The following ATXN1 variants were observed in gnomAD, a reference collection of about 807,000 sequenced individuals.
ATXN1 encodes ataxin 1, also known as ataxin-1.
A neutral mutation model predicts 56.4 loss-of-function variants in ATXN1; 8 were observed. That is an observed-to-expected ratio of 0.14 (90% CI 0.08 to 0.26). ATXN1 has a LOEUF of 0.26. Among genes scored for constraint, ATXN1 ranks in the 10% least tolerant of loss-of-function variants. ATXN1 has a pLI of 1.00. For synonymous variants in ATXN1, 514 were observed against 494.6 expected, an observed-to-expected ratio of 1.04 and a Z score of -0.52; for missense variants, 987 against 1,106.5, an observed-to-expected ratio of 0.89 and a Z score of 1.53.
intron 6 of ATXN1, among the ~76,000 whole-genome samples, chr6:16,337,555 TG>T (rs2113433307): frequency 6.6e-6 from 1 of 152,398 alleles, no homozygotes; most frequent in South Asian, 2.1e-4. Flanking sequence ...TGGTCCCAAA[TG>T]AATTGTCTGA....
At chr6:16,703,400 C>A (rs1317489732) in intron 2 of ATXN1, among the ~76,000 whole-genome samples, 2 of 152,142 alleles carry the variant, frequency 1.3e-5, no homozygotes, top group Non-Finnish European at 2.9e-5. Context: ...TTAATGGGTG[C>A]AGTACAACAA....
At chr6:16,747,183 G>C (rs967618927) in intron 2 of ATXN1, among the ~76,000 whole-genome samples, 2 of 152,092 alleles carry the variant, frequency 1.3e-5, no homozygotes, top group Admixed American at 6.5e-5. Flanking sequence ...AAGAAGCCTG[G>C]TTTTGATTTC....
intron 5 of ATXN1, among the ~76,000 whole-genome samples, chr6:16,517,977 C>T (rs144144440): frequency 0.012 from 1,845 of 152,288 alleles, 29 homozygotes; most frequent in South Asian, 0.046. Flanking sequence ...GATCAAATGC[C>T]TCCTATGTGC....
intron 4 of ATXN1, among the ~76,000 whole-genome samples, chr6:16,535,700 G>A (rs563476394): frequency 3.9e-5 from 6 of 152,368 alleles, no homozygotes; most frequent in Admixed American, 2.0e-4. Flanking sequence ...GCTGTGCACA[G>A]TGACTTCCTT....
rs574859194 is a variant in ATXN1 at position 16,312,833 on chromosome 6, T to G, written c.1918-5974A>C. On this transcript the variant is annotated intron_variant, in intron 7 of 7. Coordinates refer to ENST00000436367, the MANE Select transcript of ATXN1 (RefSeq NM_001128164.2). ...CGTCTCCCCCCATACCCCCCTCCCA[T>G]AAAAACCCTCCAACCAGCCTAAAAA... 2.6e-5 allele frequency among the ~76,000 whole-genome samples: 4 copies of G among 152,154 alleles called. No individual in the cohort carries two copies. The South Asian group carries it at 8.3e-4, about 32-fold the overall frequency.
chr6:16,673,451 G>A (rs943230703), intron 2 of ATXN1, among the ~76,000 whole-genome samples: 3 of 151,892 alleles, frequency 2.0e-5, no homozygotes, highest in African/African-American at 7.3e-5. Context: ...TCCCACTCAC[G>A]CCTGCAGCTT....
intron 6 of ATXN1, among the ~76,000 whole-genome samples, chr6:16,432,412 T>C (rs11969151): frequency 0.051 from 7,780 of 152,318 alleles, 635 homozygotes; most frequent in African/African-American, 0.17. Context: ...AGAACCTCTA[T>C]ACTAAATGTC....
chr6:16,535,491 C>T lies in ATXN1; in HGVS notation c.-360-12803G>A, dbSNP rs912432206. 1.2e-4 allele frequency among the ~76,000 whole-genome samples: 19 copies of T among 152,152 alleles called. 1 individual carries two copies. In the East Asian group the frequency reaches 3.3e-3, roughly 26 times the overall value. On this transcript the variant is annotated intron_variant, in intron 4 of 7. Coordinates refer to ENST00000436367, the MANE Select transcript of ATXN1 (RefSeq NM_001128164.2). Reference sequence around the variant, plus strand: ...CTGCCAATGGCCAGAACTAAAACAACCAGAGCAACAAAATAAACAACATAG... The same window carrying T: ...CTGCCAATGGCCAGAACTAAAACAATCAGAGCAACAAAATAAACAACATAG...
intron 6 of ATXN1, among the ~76,000 whole-genome samples, chr6:16,454,372 G>GT (rs1759824294): frequency 6.6e-6 from 1 of 152,086 alleles, no homozygotes; most frequent in South Asian, 2.1e-4. Context: ...GGAACTACTT[G>GT]TATAGAAAAT....
chr6:16,344,209 C>T lies in ATXN1; in HGVS notation c.-160-15739G>A, dbSNP rs570094447. Among the ~76,000 whole-genome samples the T allele has an allele frequency of 5.9e-5, 9 of 152,320 alleles. 1 individual carries two copies. In the South Asian group the frequency reaches 1.9e-3, roughly 32 times the overall value. On this transcript the variant is annotated intron_variant, in intron 6 of 7. Transcript: ENST00000436367. The stretch of plus-strand genomic sequence containing the variant: ...TGCTCCAACATTCTCATCCACACAC[C>T]GTTCAGGAACCGTTTCCTCGACTAT...
chr6:16,682,010 T>C (rs1023029678), intron 2 of ATXN1, among the ~76,000 whole-genome samples: 1 of 152,066 alleles, frequency 6.6e-6, no homozygotes, highest in African/African-American at 2.4e-5. Flanking sequence ...TTGAACTCAG[T>C]CTCAGTTAGC....
chr6:16,661,554 T>C (rs1009305644), intron 2 of ATXN1, among the ~76,000 whole-genome samples: 2 of 152,242 alleles, frequency 1.3e-5, no homozygotes, highest in African/African-American at 4.8e-5. Flanking sequence ...ATCCCACCTC[T>C]TGGAATTCAT....
At chr6:16,449,865 A>T (rs1033537328) in intron 6 of ATXN1, among the ~76,000 whole-genome samples, 2 of 152,230 alleles carry the variant, frequency 1.3e-5, no homozygotes, top group Non-Finnish European at 2.9e-5. Flanking sequence ...AAATATACCT[A>T]ACAACAAAAG....
At chr6:16,731,373 A>G (rs1363652483) in intron 2 of ATXN1, among the ~76,000 whole-genome samples, 1 of 150,322 alleles carries the variant, frequency 6.7e-6, no homozygotes, top group Non-Finnish European at 1.5e-5. Flanking sequence ...ATGAGAAATG[A>G]GGGCATCAGA....
chr6:16,660,273 A>G (rs1020802322), intron 2 of ATXN1, among the ~76,000 whole-genome samples: 20 of 152,240 alleles, frequency 1.3e-4, no homozygotes, highest in Non-Finnish European at 2.1e-4. Context: ...AGCAAAGATA[A>G]GGCCAAAAGC....
At chr6:16,551,748 C>T (rs1388954001) in intron 4 of ATXN1, among the ~76,000 whole-genome samples, 1 of 152,156 alleles carries the variant, frequency 6.6e-6, no homozygotes, top group African/African-American at 2.4e-5. Context: ...ATGCCTGCTG[C>T]ACGTCTCTAC....
At chr6:16,672,498 C>G (rs561903702) in intron 2 of ATXN1, among the ~76,000 whole-genome samples, 1 of 152,078 alleles carries the variant, frequency 6.6e-6, no homozygotes, top group Admixed American at 6.5e-5. Context: ...TCTGTGAATT[C>G]GTGGTAAAAG....
At chr6:16,443,126 G>A (rs1317131737) in intron 6 of ATXN1, among the ~76,000 whole-genome samples, 1 of 146,654 alleles carries the variant, frequency 6.8e-6, no homozygotes, top group Non-Finnish European at 1.5e-5. Context: ...AGGCTGCAGT[G>A]AGCCAAGACT....
At position 16,327,733 on chromosome 6, in the gene ATXN1, T is replaced by C. The variant is rs929482649; in HGVS notation, c.578A>G (p.His193Arg). The stretch of plus-strand genomic sequence containing the variant: ...CTGCTGCTGCTGCTGCTCAGCCTTG[T>C]GTCCCGGCGTCTGGCTCAGACTGCC... ...NMGSLSQTPG[H>R]KAEQQQQQQQ... The change falls in exon 7 of 8, where the codon CAC (histidine) becomes CGC (arginine). Residue 193 changes from histidine to arginine, a missense_variant. Around this residue, in one of 3 missense-constraint regions of ATXN1, gnomAD observed 723 missense variants for 791.7 expected, o/e 0.91. Transcript: ENST00000436367. 6.2e-7 allele frequency: 1 copy of C among 1,607,214 alleles called. No homozygotes were observed. Among genetic ancestry groups the C allele is most frequent in the Non-Finnish European group, 8.5e-7 (1 of 1,179,774 alleles).
Sources: gnomAD v4.1 joint callset for allele counts (sites outside exome capture counted in the v4.1 genomes callset) on GRCh38, gnomAD v4.1.1 for gene constraint, gnomAD v4.1.1 regional missense constraint, MANE v1.5 for transcripts, NCBI Gene and HGNC (gene_info 2026-07-23, HGNC 2026-07-21) for gene names.